The following RBFOX1 variants were observed in gnomAD, a reference collection of about 807,000 sequenced individuals.
RBFOX1 encodes RNA binding fox-1 homolog 1.
In RBFOX1, 8 loss-of-function variants were observed where a neutral mutation model predicts 57.7. The ratio of observed to expected loss-of-function variants is 0.14; its 90% confidence interval spans 0.08 to 0.25. The LOEUF (loss-of-function observed/expected upper bound fraction) is 0.25, where lower values mean the gene tolerates loss of function less well. Ranked by LOEUF, RBFOX1 falls within the 10% of genes least tolerant of loss-of-function variation. The pLI is 1.00. For synonymous variants in RBFOX1, 326 were observed against 222.4 expected (o/e 1.47, Z -4.15); for missense variants, 611 against 548.5 (o/e 1.11, Z -1.14).
chr16:7,116,451 A>G (rs192830960), intron 4 of RBFOX1, among the ~76,000 whole-genome samples: 98 of 151,868 alleles, frequency 6.5e-4, no homozygotes, highest in Non-Finnish European at 8.7e-4. Context: ...CCCATCCCAA[A>G]CTCTCCTCTC....
intron 1 of RBFOX1, among the ~76,000 whole-genome samples, chr16:5,318,404 C>T (rs2064302375): frequency 6.6e-6 from 1 of 152,188 alleles, no homozygotes; most frequent in Admixed American, 6.5e-5. Context: ...GCTGGGATTA[C>T]AGGCATAAGC....
At chr16:6,086,751 T>C (rs961245768) in intron 1 of RBFOX1, among the ~76,000 whole-genome samples, 2 of 152,188 alleles carry the variant, frequency 1.3e-5, no homozygotes, top group African/African-American at 4.8e-5. Context: ...CATCACCTTG[T>C]ACAAAAGAGA....
chr16:5,405,591 C>T (rs2066843023), intron 1 of RBFOX1, among the ~76,000 whole-genome samples: 1 of 152,154 alleles, frequency 6.6e-6, no homozygotes, highest in Non-Finnish European at 1.5e-5. Context: ...TTAGAATACT[C>T]CATCATAGAT....
intron 3 of RBFOX1, among the ~76,000 whole-genome samples, chr16:5,757,235 T>TG (rs2053430579): frequency 6.7e-6 from 1 of 149,290 alleles, no homozygotes; most frequent in South Asian, 2.1e-4. Flanking sequence ...TTTTGTGTTT[T>TG]TTTTTTTTTT....
At chr16:7,068,227 C>G (rs2056568940) in intron 4 of RBFOX1, among the ~76,000 whole-genome samples, 1 of 152,122 alleles carries the variant, frequency 6.6e-6, no homozygotes, top group Non-Finnish European at 1.5e-5. Context: ...CTAAGATCAG[C>G]CAGCCAAGAT....
chr16:6,566,248 T>G (rs1389351196), intron 2 of RBFOX1, among the ~76,000 whole-genome samples: 1 of 152,142 alleles, frequency 6.6e-6, no homozygotes, highest in Non-Finnish European at 1.5e-5. Flanking sequence ...TCCACCACGG[T>G]GAGAAAAAGC....
rs1018137754 is a variant in RBFOX1, at chr16:5,521,341, G to C, written c.258+54087G>C. ...CCGTGCAATTCATGCAGACTCAGCA[G>C]CTTTTGCTGTTGGGGGTGGGGTGGG... On this transcript the variant is annotated intron_variant, in intron 2 of 2. Transcript: ENST00000585867. Among the ~76,000 whole-genome samples, 25 of 110,254 alleles carry C rather than the reference G, an allele frequency of 2.3e-4. No homozygotes were observed. In the East Asian group the frequency reaches 7.9e-3, roughly 35 times the overall value. The allele number at this position is 110,254 out of a possible 152,430, so 72.3% of individuals were successfully genotyped here.
At chr16:7,094,340 G>T (rs893427182) in intron 4 of RBFOX1, among the ~76,000 whole-genome samples, 1 of 152,184 alleles carries the variant, frequency 6.6e-6, no homozygotes, top group South Asian at 2.1e-4. Context: ...GCTTTTAGGA[G>T]AAGTAGAGAG....
chr16:5,538,001 A>C (rs967035522), intron 2 of RBFOX1, among the ~76,000 whole-genome samples: 7 of 152,216 alleles, frequency 4.6e-5, no homozygotes, highest in African/African-American at 1.7e-4. Context: ...TAAGGTCAGC[A>C]TAAGAACCAC....
At chr16:6,551,762 C>G (rs760775144) in intron 2 of RBFOX1, among the ~76,000 whole-genome samples, 5 of 152,154 alleles carry the variant, frequency 3.3e-5, no homozygotes, top group Non-Finnish European at 7.3e-5. Flanking sequence ...TTGTGGACAG[C>G]TGAGATGGTC....
intron 2 of RBFOX1, among the ~76,000 whole-genome samples, chr16:6,633,496 G>T (rs1283053090): frequency 1.3e-5 from 2 of 152,070 alleles, no homozygotes; most frequent in Non-Finnish European, 2.9e-5. Context: ...TTTTCACCAT[G>T]TTGAGCCGGC....
intron 4 of RBFOX1, among the ~76,000 whole-genome samples, chr16:5,960,444 C>G (rs993329253): frequency 6.6e-6 from 1 of 152,116 alleles, no homozygotes; most frequent in Non-Finnish European, 1.5e-5. Flanking sequence ...TATGTTCCCC[C>G]AAAGTATTAC....
intron 4 of RBFOX1, among the ~76,000 whole-genome samples, chr16:6,005,623 C>G (rs538544110): frequency 1.3e-5 from 2 of 152,324 alleles, no homozygotes; most frequent in East Asian, 1.9e-4. Context: ...CCTCTACCCA[C>G]TGGATACCAC....
chr16:7,234,625 T>A (rs925150416), intron 4 of RBFOX1, among the ~76,000 whole-genome samples: 1 of 150,328 alleles, frequency 6.7e-6, no homozygotes, highest in African/African-American at 2.4e-5. Flanking sequence ...TATGTTTGTA[T>A]GTGCTTGTGT....
intron 4 of RBFOX1, among the ~76,000 whole-genome samples, chr16:7,430,144 G>A (rs2098664643): frequency 6.6e-6 from 1 of 152,148 alleles, no homozygotes; most frequent in Admixed American, 6.5e-5. Flanking sequence ...CCAACCAAAT[G>A]AGCTTATCAT....
At chr16:6,887,517 G>C (rs1190855298) in intron 3 of RBFOX1, among the ~76,000 whole-genome samples, 3 of 151,856 alleles carry the variant, frequency 2.0e-5, no homozygotes, top group African/African-American at 4.8e-5. Flanking sequence ...ATGTATATTA[G>C]GTGATTTCCC....
At chr16:7,580,892 C>T (rs1024477800) in intron 6 of RBFOX1, among the ~76,000 whole-genome samples, 1 of 152,128 alleles carries the variant, frequency 6.6e-6, no homozygotes, top group Non-Finnish European at 1.5e-5. Context: ...TGACTTAGAG[C>T]AATGGTGGGC....
chr16:5,576,546 A>C (rs1291979734), intron 2 of RBFOX1, among the ~76,000 whole-genome samples: 2 of 152,204 alleles, frequency 1.3e-5, no homozygotes, highest in Non-Finnish European at 2.9e-5. Flanking sequence ...AATCCTATAA[A>C]GATGTGTATC....
intron 2 of RBFOX1, among the ~76,000 whole-genome samples, chr16:6,625,532 A>C (rs1056492936): frequency 6.6e-6 from 1 of 152,152 alleles, no homozygotes. Flanking sequence ...TTAAAACTTT[A>C]AGAAAGCCCT....
Sources: allele counts gnomAD v4.1 joint callset (sites outside exome capture counted in the v4.1 genomes callset), GRCh38; gene constraint gnomAD v4.1.1; transcripts MANE v1.5; gene names NCBI Gene and HGNC (gene_info 2026-07-23, HGNC 2026-07-21).